Variants in ALG8 observed in about 807,000 individuals in gnomAD.
ALG8 encodes the protein dolichyl pyrophosphate Glc1Man9GlcNAc2 alpha-1,3-glucosyltransferase.
ALG8 carries 48 observed loss-of-function variants against 70.2 expected under a neutral mutation model. That is an observed-to-expected ratio of 0.68 (90% CI 0.54 to 0.87). The LOEUF is 0.87. ALG8 is among the 40% of genes least tolerant of loss of function. ALG8 has a pLI of 0.00. For missense variants in ALG8, 572 were observed against 608.7 expected (o/e 0.94, Z 0.64); for synonymous variants, 234 against 229.0 (o/e 1.02, Z -0.20).
In ALG8 at chr11:78,105,561, T is replaced by C. The variant is rs570401778; in HGVS notation, c.1179-1108A>G. Reference sequence around the variant, plus strand: ...GCTCACATCTGCAATCCCAGCACTTTGGGAGGCTGAGGTAGGAAGACTGCT... The same window carrying C: ...GCTCACATCTGCAATCCCAGCACTTCGGGAGGCTGAGGTAGGAAGACTGCT... On this transcript the variant is annotated intron_variant, in intron 10 of 12. Coordinates refer to ENST00000299626, the MANE Select transcript of ALG8 (RefSeq NM_024079.5). Among the ~76,000 whole-genome samples the C allele has an allele frequency of 3.0e-3, 450 of 151,668 alleles. 3 individuals carry two copies. Among genetic ancestry groups the C allele is most frequent in the Non-Finnish European group, 4.8e-3 (324 of 67,918 alleles).
At chr11:78,128,503 C>A (rs1297414157) in intron 1 of ALG8, among the ~76,000 whole-genome samples, 1 of 152,166 alleles carries the variant, frequency 6.6e-6, no homozygotes, top group Non-Finnish European at 1.5e-5. Context: ...TTGATATTCC[C>A]CTAGGTTCAG....
At chr11:78,125,499 C>G (rs1012714871) in intron 2 of ALG8, among the ~76,000 whole-genome samples, 1 of 151,556 alleles carries the variant, frequency 6.6e-6, no homozygotes. Flanking sequence ...GGCATAGTGG[C>G]TCACACCTGT....
At position 78,110,057 on chromosome 11, in the gene ALG8, C is replaced by T. The variant is rs551215076; in HGVS notation, c.899-476G>A. 9.2e-4 allele frequency among the ~76,000 whole-genome samples: 140 copies of T among 152,320 alleles called. 1 individual carries two copies. The highest frequency in any genetic ancestry group is 3.2e-3 in the African/African-American group (135 of 41,580). On this transcript the variant is annotated intron_variant, in intron 8 of 12. Transcript: ENST00000299626. ...CCACAATGAAGTAACTGTGAGTCCT[C>T]AATATACCACTCTCAACACCTGTGT...
chr11:78,128,532 C>T (rs970963026), intron 1 of ALG8, among the ~76,000 whole-genome samples: 15 of 152,032 alleles, frequency 9.9e-5, no homozygotes, highest in African/African-American at 3.1e-4. Context: ...CCCCTTTTTA[C>T]GCAACTTATT....
At chr11:78,134,477 T>C (rs1042736253) in intron 1 of ALG8, among the ~76,000 whole-genome samples, 2 of 152,196 alleles carry the variant, frequency 1.3e-5, no homozygotes, top group African/African-American at 4.8e-5. Context: ...ACAATGAAGC[T>C]TGCCACATTG....
chr11:78,123,934 C>T (rs910645787), intron 3 of ALG8, 87 bp downstream of exon 3: 12 of 1,438,784 alleles, frequency 8.3e-6, no homozygotes, highest in Non-Finnish European at 8.8e-6. Context: ...AACTTTGTTC[C>T]TCCTAAATTG....
intron 5 of ALG8, among the ~76,000 whole-genome samples, chr11:78,117,527 C>T (rs1273912581): frequency 6.6e-6 from 1 of 151,166 alleles, no homozygotes; most frequent in Non-Finnish European, 1.5e-5. Flanking sequence ...AATCCTAGCA[C>T]TTTGGGAGGC....
rs1287808548 is a variant in ALG8 at position 78,103,943 on chromosome 11, CAAGAGT to C, written c.1349+31_1349+36del. The C allele has an allele frequency of 4.2e-6, 5 of 1,184,768 alleles. No individual in the cohort carries two copies. In the African/African-American group the frequency reaches 7.5e-5, roughly 18 times the overall value. The allele number at this position is 1,184,768 out of a possible 1,614,324, so 73.4% of individuals were successfully genotyped here. ...TGACCACTTAGGTGTAAACATTTCA[CAAGAGT>C]AAGTATAATTTTAAACATTTTTTTG... is the stretch of plus-strand genomic sequence containing the variant. On this transcript the variant is annotated intron_variant, in intron 12 of 12. Transcript: ENST00000299626.
In ALG8 at chr11:78,123,011, A is replaced by C. The variant is rs192840656; in HGVS notation, c.368+1010T>G. ...TCACAATCACACCAGCGAGCTTAAG[A>C]GTTAGGAAAGAATGAGGTCGGTGCA... On this transcript the variant is annotated intron_variant, in intron 3 of 12. Coordinates refer to ENST00000299626, the MANE Select transcript of ALG8 (RefSeq NM_024079.5). Among the ~76,000 whole-genome samples, 872 of 141,184 alleles carry C rather than the reference A, an allele frequency of 6.2e-3. 2 individuals carry two copies. The highest frequency in any genetic ancestry group is 0.011 in the Admixed American group (160 of 14,008). 92.6% of individuals were successfully genotyped at this position (141,184 alleles called of 152,430 possible). A position where few individuals can be genotyped will look rare whatever the true frequency, so the allele number is the denominator to read the frequency against.
rs1860436881 is a variant in ALG8 at position 78,113,929 on chromosome 11, A to G, written c.734T>C (p.Val245Ala). 2 of 1,608,210 alleles carry G rather than the reference A, an allele frequency of 1.2e-6. No individual in the cohort carries two copies. Among genetic ancestry groups the G allele is most frequent in the South Asian group, 2.2e-5 (2 of 89,538 alleles). Reference sequence around the variant, plus strand: ...CAATGAAAGAGCAGAAACTAAGAAAACAACCAGTCCCAGGGAAATAACACG... The same window carrying G: ...CAATGAAAGAGCAGAAACTAAGAAAGCAACCAGTCCCAGGGAAATAACACG... ...FVRVISLGLV[V>A]FLVSALSLGP... The change falls in exon 7 of 13, where the codon GTT becomes GCT. Residue 245 changes from valine to alanine, a missense_variant. By Grantham distance (64) the Val-to-Ala change is moderately conservative. Transcript: ENST00000299626.
At chr11:78,118,368 C>T (rs1385302517) in intron 5 of ALG8, among the ~76,000 whole-genome samples, 1 of 152,122 alleles carries the variant, frequency 6.6e-6, no homozygotes, top group Admixed American at 6.6e-5. Context: ...GTAATCCCAG[C>T]ACTTTGGGAG....
At chr11:78,130,797 A>T (rs527807020) in intron 1 of ALG8, among the ~76,000 whole-genome samples, 3 of 151,742 alleles carry the variant, frequency 2.0e-5, no homozygotes, top group Non-Finnish European at 4.4e-5. Context: ...ATTATTTGTT[A>T]ATCTCCTCCC....
chr11:78,117,713 G>A (rs1366141917), intron 5 of ALG8, among the ~76,000 whole-genome samples: 1 of 151,974 alleles, frequency 6.6e-6, no homozygotes, highest in Non-Finnish European at 1.5e-5. Context: ...AGGAGTTTGA[G>A]GAGGCAGTGA....
At chr11:78,109,367 G>C in intron 9 of ALG8, 75 bp downstream of exon 9, 2 of 1,590,110 alleles carry the variant, frequency 1.3e-6, no homozygotes, top group Non-Finnish European at 1.7e-6. Flanking sequence ...GAGCTTGAAA[G>C]TTGAAATTTA....
chr11:78,120,817 C>G (rs187818339), intron 4 of ALG8, among the ~76,000 whole-genome samples: 4 of 152,220 alleles, frequency 2.6e-5, no homozygotes, highest in Admixed American at 6.5e-5. Context: ...TTCACAATCT[C>G]AGTACATTGT....
rs1192507872 is a variant in ALG8, at chr11:78,127,712, C to CTTT, written c.96-279_96-277dup. The stretch of plus-strand genomic sequence containing the variant: ...AGCCCAGACTTTCTCTTTTTCTTTT[C>CTTT]TTTTTTTTTTTTTTTGAGGCGGAGT... On this transcript the variant is annotated intron_variant, in intron 1 of 12. Transcript: ENST00000299626. Among the ~76,000 whole-genome samples the CTTT allele has an allele frequency of 1.3e-3, 170 of 132,902 alleles. 2 individuals carry two copies. Among genetic ancestry groups the CTTT allele is most frequent in the African/African-American group, 4.6e-3 (163 of 35,522 alleles). The allele number at this position is 132,902 out of a possible 152,430, so 87.2% of individuals were successfully genotyped here. A position where few individuals can be genotyped will look rare whatever the true frequency, so the allele number is the denominator to read the frequency against.
Position 78,103,975 on chromosome 11 carries a change from A to G in ALG8, c.1349+5T>C, listed in dbSNP as rs886048685. ...AAGTATAATTTTAAACATTTTTTTG[A>G]TTACCTGAATAAAGTCTTCAGTGAC... is the stretch of plus-strand genomic sequence containing the variant. On this transcript the variant is annotated splice_donor_5th_base_variant and intron_variant, in intron 12 of 12. Coordinates refer to ENST00000299626, the MANE Select transcript of ALG8 (RefSeq NM_024079.5). 3.3e-5 allele frequency: 48 copies of G among 1,438,494 alleles called. No individual in the cohort carries two copies. Among genetic ancestry groups the G allele is most frequent in the Non-Finnish European group, 4.2e-5 (43 of 1,027,590 alleles). 89.1% of individuals were successfully genotyped at this position (1,438,494 alleles called of 1,614,324 possible). A position where few individuals can be genotyped will look rare whatever the true frequency, so the allele number is the denominator to read the frequency against.
At position 78,103,715 on chromosome 11, in the gene ALG8, T is replaced by A. The variant is rs143115891; in HGVS notation, c.1349+265A>T. 2.0e-5 allele frequency among the ~76,000 whole-genome samples: 3 copies of A among 152,368 alleles called. No homozygotes were observed. In the East Asian group the frequency reaches 5.8e-4, roughly 29 times the overall value. ...ATTTAATAGTTTTATTCATAAAGCATATTTTACATTCAGTTTTTGAGTTTT... is the reference window on the plus strand; with the variant it reads ...ATTTAATAGTTTTATTCATAAAGCAAATTTTACATTCAGTTTTTGAGTTTT... On this transcript the variant is annotated intron_variant, in intron 12 of 12. Transcript: ENST00000299626.
chr11:78,106,757 G>T, intron 10 of ALG8, 50 bp downstream of exon 10: 1 of 1,610,646 alleles, frequency 6.2e-7, no homozygotes, highest in Non-Finnish European at 8.5e-7. Context: ...TAGAAAATAG[G>T]ATCATTGTGA....
Sources: allele counts gnomAD v4.1 joint callset (sites outside exome capture counted in the v4.1 genomes callset), GRCh38; gene constraint gnomAD v4.1.1; transcripts MANE v1.5; gene names NCBI Gene and HGNC (gene_info 2026-07-23, HGNC 2026-07-21).